Variants in YPEL1 observed in about 807,000 individuals in gnomAD.
YPEL1 encodes the protein yippee like 1, also known as protein yippee-like 1.
In YPEL1, 7 loss-of-function variants were observed where a neutral mutation model predicts 17.3. That is an observed-to-expected ratio of 0.40 (90% confidence interval 0.23 to 0.76). The LOEUF (loss-of-function observed/expected upper bound fraction) is 0.76. YPEL1 is among the 30% of genes least tolerant of loss of function. The probability of loss-of-function intolerance (pLI) is 0.35; values close to 1 mark genes in which losing one functional copy is unlikely to be tolerated. For missense variants in YPEL1, 91 were observed against 155.5 expected (o/e 0.59, Z 2.21); for synonymous variants, 59 against 59.6 (o/e 0.99, Z 0.05).
chr22:21,731,960 G>T (rs1487943031), intron 1 of YPEL1, among the ~76,000 whole-genome samples: 1 of 152,194 alleles, frequency 6.6e-6, no homozygotes, highest in Non-Finnish European at 1.5e-5. Context: ...GGCTCAGCAA[G>T]CACCTCACAA....
At chr22:21,733,828 C>A (rs1383370350) in intron 1 of YPEL1, among the ~76,000 whole-genome samples, 1 of 152,178 alleles carries the variant, frequency 6.6e-6, no homozygotes, top group Non-Finnish European at 1.5e-5. Flanking sequence ...TTTCCTGCAT[C>A]CCTGCCCCTT....
At chr22:21,717,182 C>T (rs1004303072) in intron 1 of YPEL1, among the ~76,000 whole-genome samples, 3 of 151,992 alleles carry the variant, frequency 2.0e-5, no homozygotes, top group Non-Finnish European at 4.4e-5. Context: ...TCGAGACCAG[C>T]CTGGCCAACA....
At chr22:21,710,952 G>A in intron 1 of YPEL1, 44 bp from the exon 2 acceptor site, 2 of 594,582 alleles carry the variant, frequency 3.4e-6, no homozygotes, top group South Asian at 1.9e-5. Flanking sequence ...GAGAGAACAT[G>A]CGTGTGAAGC....
chr22:21,704,930 C>T (rs1476420553), intron 2 of YPEL1, among the ~76,000 whole-genome samples: 1 of 152,164 alleles, frequency 6.6e-6, no homozygotes, highest in South Asian at 2.1e-4. Context: ...CGACCTCAAA[C>T]ATAATCAAAG....
intron 1 of YPEL1, among the ~76,000 whole-genome samples, chr22:21,721,778 G>T (rs1463975162): frequency 1.3e-5 from 2 of 152,088 alleles, no homozygotes; most frequent in Non-Finnish European, 2.9e-5. Flanking sequence ...TAAGTGGACA[G>T]AACATTGTAG....
intron 2 of YPEL1, among the ~76,000 whole-genome samples, chr22:21,705,265 C>T (rs2068104576): frequency 6.6e-6 from 1 of 152,206 alleles, no homozygotes; most frequent in African/African-American, 2.4e-5. Context: ...AGGCGTGAGC[C>T]ACTGCGCCTG....
chr22:21,730,819 C>G (rs552174935), intron 1 of YPEL1, among the ~76,000 whole-genome samples: 1 of 152,354 alleles, frequency 6.6e-6, no homozygotes, highest in South Asian at 2.1e-4. Context: ...AGCCCCTGCT[C>G]TCTGGGGAAC....
intron 1 of YPEL1, among the ~76,000 whole-genome samples, chr22:21,722,648 T>C (rs2068295088): frequency 6.7e-6 from 1 of 150,320 alleles, no homozygotes; most frequent in South Asian, 2.1e-4. Flanking sequence ...CAAGTGGCCA[T>C]TTGCCAAGGG....
chr22:21,732,509 C>T (rs60364947), intron 1 of YPEL1, among the ~76,000 whole-genome samples: 3,003 of 152,256 alleles, frequency 0.02, 100 homozygotes, highest in African/African-American at 0.068. Flanking sequence ...TGGCCAGGCG[C>T]GGTGGCTCAC....
At chr22:21,721,810 A>G (rs2068286747) in intron 1 of YPEL1, among the ~76,000 whole-genome samples, 1 of 151,900 alleles carries the variant, frequency 6.6e-6, no homozygotes, top group Non-Finnish European at 1.5e-5. Context: ...AATGGACAGC[A>G]GATCTCTAGG....
chr22:21,709,852 G>A (rs989736366), intron 2 of YPEL1, among the ~76,000 whole-genome samples: 1 of 150,900 alleles, frequency 6.6e-6, no homozygotes, highest in African/African-American at 2.4e-5. Context: ...ATTGAGCATG[G>A]GGGAGGTCAT....
intron 1 of YPEL1, among the ~76,000 whole-genome samples, chr22:21,715,442 C>T (rs2068211766): frequency 6.6e-6 from 1 of 151,214 alleles, no homozygotes; most frequent in African/African-American, 2.4e-5. Flanking sequence ...TGCAGTGAGC[C>T]GAGATTGCAC....
intron 2 of YPEL1, among the ~76,000 whole-genome samples, chr22:21,707,480 C>G (rs966170286): frequency 6.6e-6 from 1 of 152,178 alleles, no homozygotes; most frequent in African/African-American, 2.4e-5. Context: ...GACTTCTCAC[C>G]TGAGCATGAA....
At chr22:21,712,452 C>T (rs2068177888) in intron 1 of YPEL1, among the ~76,000 whole-genome samples, 1 of 149,824 alleles carries the variant, frequency 6.7e-6, no homozygotes, top group African/African-American at 2.4e-5. Context: ...ATGGGCCCGG[C>T]GTGGTGGCTC....
intron 1 of YPEL1, among the ~76,000 whole-genome samples, chr22:21,717,142 G>A (rs1056935444): frequency 4.7e-5 from 5 of 106,856 alleles, no homozygotes; most frequent in South Asian, 2.8e-4. Context: ...GGGGCTGGGG[G>A]GGCGGGGGGC....
chr22:21,704,179 C>A lies in YPEL1; in HGVS notation c.118-297G>T, dbSNP rs1482826347. 4.2e-6 allele frequency: 3 copies of A among 718,082 alleles called. No homozygotes were observed. In the African/African-American group the frequency reaches 5.2e-5, roughly 13 times the overall value. 44.5% of individuals were successfully genotyped at this position (718,082 alleles called of 1,614,324 possible). A position where few individuals can be genotyped will look rare whatever the true frequency, so the allele number is the denominator to read the frequency against. On this transcript the variant is annotated intron_variant, in intron 2 of 4. Transcript: ENST00000339468. ...TTTTTAAATGGTGAGCTTCATATGT[C>A]TGGACAACTTTACCTTAGAGGAGTT...
chr22:21,714,474 G>A (rs1055046451), intron 1 of YPEL1, among the ~76,000 whole-genome samples: 1 of 152,216 alleles, frequency 6.6e-6, no homozygotes, highest in African/African-American at 2.4e-5. Flanking sequence ...GTGCAGCCAA[G>A]TCTGCCTCTG....
rs571383952 is a variant in YPEL1, at chr22:21,721,499, C to T, written c.-164-10591G>A. On this transcript the variant is annotated intron_variant, in intron 1 of 4. Coordinates refer to ENST00000339468, the MANE Select transcript of YPEL1 (RefSeq NM_013313.5). The stretch of plus-strand genomic sequence containing the variant: ...AGTACAGTGGCGTGATCTTGGCTCA[C>T]TGCAACCTCCACCTCCTGGGTTCAA... Among the ~76,000 whole-genome samples, 11 of 151,740 alleles carry T rather than the reference C, an allele frequency of 7.2e-5. No homozygotes were observed. In the South Asian group the frequency reaches 2.3e-3, roughly 31 times the overall value.
chr22:21,719,221 A>G (rs144333271), intron 1 of YPEL1, among the ~76,000 whole-genome samples: 15 of 152,324 alleles, frequency 9.8e-5, no homozygotes, highest in African/African-American at 3.6e-4. Context: ...CATGTCCCAC[A>G]CGGTGCACGA....
Sources: allele counts gnomAD v4.1 joint callset (sites outside exome capture counted in the v4.1 genomes callset), GRCh38; gene constraint gnomAD v4.1.1; transcripts MANE v1.5; gene names NCBI Gene and HGNC (gene_info 2026-07-23, HGNC 2026-07-21).